Variants in GRM5 observed in about 807,000 individuals in gnomAD.
The protein encoded by GRM5 is glutamate metabotropic receptor 5, also known as metabotropic glutamate receptor 5.
In GRM5, 19 loss-of-function variants were observed where a neutral mutation model predicts 83.1. That is an observed-to-expected ratio of 0.23 (90% CI 0.16 to 0.34). The LOEUF is 0.34. GRM5 is among the 10% of genes least tolerant of loss of function. The pLI, the probability that GRM5 is intolerant of heterozygous loss-of-function variation, is 1.00. For synonymous variants in GRM5, 675 were observed against 633.6 expected (o/e 1.07, Z -0.98); for missense variants, 1,160 against 1,588.3 (o/e 0.73, Z 4.58).
intron 2 of GRM5, among the ~76,000 whole-genome samples, chr11:88,996,160 C>T (rs969917174): frequency 1.9e-4 from 29 of 152,192 alleles, no homozygotes; most frequent in African/African-American, 5.1e-4. Context: ...CATGATAAAC[C>T]CTGTGGGATA....
At chr11:88,995,047 C>T (rs1170234668) in intron 2 of GRM5, among the ~76,000 whole-genome samples, 4 of 152,152 alleles carry the variant, frequency 2.6e-5, no homozygotes, top group Non-Finnish European at 1.5e-5. Flanking sequence ...AGCTGTAGAG[C>T]TCCTAAACTT....
At chr11:88,816,986 T>C (rs962443184) in intron 3 of GRM5, among the ~76,000 whole-genome samples, 1 of 152,168 alleles carries the variant, frequency 6.6e-6, no homozygotes, top group Non-Finnish European at 1.5e-5. Context: ...TCTATCTACA[T>C]AAATTTGAAA....
Position 88,567,125 on chromosome 11 carries a change from G to C in GRM5, c.2558C>G (p.Ser853Cys), listed in dbSNP as rs1319392208. Residue 853 changes from serine to cysteine, a missense_variant, in exon 8 of 10, where the codon TCC becomes TGC. Around this residue, in one of 9 missense-constraint regions of GRM5, gnomAD observed 562 missense variants for 532.4 expected, o/e 1.06. Transcript: ENST00000305447. The surrounding 1 kb of genome is among the most constrained non-coding windows in gnomAD (Gnocchi z 7.3). ...GCTGCTGGATCTGCTGGCTGCGGAG[G>C]ATGACTTGCCATCCCCTACATGCAT... ...VRMHVGDGKS[S>C]SAASRSSSLV... 6.2e-7 allele frequency: 1 copy of C among 1,614,090 alleles called. No individual in the cohort carries two copies. Among genetic ancestry groups the C allele is most frequent in the East Asian group, 2.2e-5 (1 of 44,862 alleles).
At chr11:88,786,667 T>C (rs1943074064) in intron 3 of GRM5, among the ~76,000 whole-genome samples, 1 of 152,136 alleles carries the variant, frequency 6.6e-6, no homozygotes, top group African/African-American at 2.4e-5. Context: ...CATATCATCT[T>C]CTCATTAAGG....
chr11:88,675,933 AT>A (rs1308014650), intron 3 of GRM5, among the ~76,000 whole-genome samples: 1 of 152,046 alleles, frequency 6.6e-6, no homozygotes, highest in Non-Finnish European at 1.5e-5. Context: ...GAGTCTAAGC[AT>A]TCTCACACGT....
At chr11:88,690,436 A>T (rs11020965) in intron 3 of GRM5, among the ~76,000 whole-genome samples, 113,784 of 152,024 alleles carry the variant, frequency 0.75, 42,644 homozygotes, top group South Asian at 0.89. Flanking sequence ...TTAAAATAGG[A>T]TATTATGCAC....
chr11:88,529,601 C>T (rs911774827), intron 8 of GRM5, among the ~76,000 whole-genome samples: 3 of 151,864 alleles, frequency 2.0e-5, no homozygotes, highest in Non-Finnish European at 4.4e-5. Flanking sequence ...ATTGTGGAAT[C>T]CTTATGCTAC....
intron 8 of GRM5, among the ~76,000 whole-genome samples, chr11:88,556,496 T>A (rs931427335): frequency 7.9e-5 from 12 of 152,108 alleles, no homozygotes; most frequent in Admixed American, 5.2e-4. Context: ...CTAATTTTTA[T>A]ATTTTTGGTA....
intron 7 of GRM5, among the ~76,000 whole-genome samples, chr11:88,583,965 A>T (rs1268659835): frequency 1.3e-5 from 2 of 152,002 alleles, no homozygotes; most frequent in Admixed American, 1.3e-4. Flanking sequence ...TCCTTACCCA[A>T]ACCACTGGTA....
At chr11:88,794,668 A>G (rs1943240823) in intron 3 of GRM5, among the ~76,000 whole-genome samples, 1 of 152,190 alleles carries the variant, frequency 6.6e-6, no homozygotes, top group Non-Finnish European at 1.5e-5. Context: ...TTGAAAATAA[A>G]GTATATGTAT....
chr11:89,006,567 G>A (rs567171246), intron 2 of GRM5, among the ~76,000 whole-genome samples: 3 of 151,964 alleles, frequency 2.0e-5, no homozygotes, highest in East Asian at 3.9e-4. Flanking sequence ...ATTAATGATG[G>A]GCTAACAGAT....
chr11:88,869,930 G>A (rs1400916097), intron 2 of GRM5, among the ~76,000 whole-genome samples: 2 of 151,488 alleles, frequency 1.3e-5, no homozygotes, highest in Non-Finnish European at 3.0e-5. Context: ...ACATAAACAA[G>A]TAGATTCTTT....
chr11:88,735,028 G>A (rs1941883761), intron 3 of GRM5, among the ~76,000 whole-genome samples: 1 of 151,830 alleles, frequency 6.6e-6, no homozygotes, highest in Non-Finnish European at 1.5e-5. Context: ...TATTGAGATT[G>A]CACATTTGAT....
At chr11:88,955,868 T>C (rs1938595040) in intron 2 of GRM5, among the ~76,000 whole-genome samples, 1 of 152,238 alleles carries the variant, frequency 6.6e-6, no homozygotes, top group African/African-American at 2.4e-5. Flanking sequence ...ACAATAGATA[T>C]TTATCTGAAA....
chr11:88,551,950 G>T (rs1232120943), intron 8 of GRM5, among the ~76,000 whole-genome samples: 1 of 152,074 alleles, frequency 6.6e-6, no homozygotes, highest in East Asian at 1.9e-4. Flanking sequence ...TCTATGGTGT[G>T]TGAGGTGTAT....
At chr11:88,919,653 A>G (rs1020499991) in intron 2 of GRM5, among the ~76,000 whole-genome samples, 17 of 152,126 alleles carry the variant, frequency 1.1e-4, no homozygotes, top group African/African-American at 3.8e-4. Flanking sequence ...GTTAGGCCAC[A>G]AAACAAGACT....
intron 3 of GRM5, among the ~76,000 whole-genome samples, chr11:88,702,686 G>C (rs1017848525): frequency 3.3e-5 from 5 of 152,092 alleles, no homozygotes; most frequent in African/African-American, 1.2e-4. Flanking sequence ...CAGGACCTTA[G>C]AATGTAATCA....
intron 2 of GRM5, among the ~76,000 whole-genome samples, chr11:88,929,223 C>T (rs1937630313): frequency 6.6e-6 from 1 of 151,694 alleles, no homozygotes; most frequent in African/African-American, 2.4e-5. Context: ...CCAACTAAGA[C>T]TAAAGAAAGT....
At chr11:88,652,610 C>T (rs1360200184) in intron 4 of GRM5, among the ~76,000 whole-genome samples, 1 of 152,062 alleles carries the variant, frequency 6.6e-6, no homozygotes. Flanking sequence ...TTCTTAGCAT[C>T]TTATAAGTAT....
Sources: gnomAD v4.1 joint callset for allele counts (sites outside exome capture counted in the v4.1 genomes callset) on GRCh38, gnomAD v4.1.1 for gene constraint, gnomAD v4.1.1 regional missense constraint, Gnocchi (gnomAD v3.1) non-coding constraint, MANE v1.5 for transcripts, NCBI Gene and HGNC (gene_info 2026-07-23, HGNC 2026-07-21) for gene names.